The following DYDC1 variants were observed in gnomAD, a reference collection of about 807,000 sequenced individuals.
DYDC1 encodes the protein DPY30 domain-containing protein 1.
Under a neutral mutation model 27.9 loss-of-function variants are expected in DYDC1, and 21 were observed. That is an observed-to-expected ratio of 0.75 (90% CI 0.53 to 1.08). DYDC1 has a LOEUF of 1.08. Among genes scored for constraint, DYDC1 ranks in the 50% least tolerant of loss-of-function variants. The pLI, the probability that DYDC1 is intolerant of heterozygous loss-of-function variation, is 0.00. For synonymous variants in DYDC1, 67 were observed against 65.8 expected, an observed-to-expected ratio of 1.02 and a Z score of -0.09; for missense variants, 202 against 205.9, an observed-to-expected ratio of 0.98 and a Z score of 0.12.
intron 3 of DYDC1, among the ~76,000 whole-genome samples, chr10:80,342,638 A>C (rs1166530707): frequency 6.6e-6 from 1 of 152,240 alleles, no homozygotes; most frequent in Non-Finnish European, 1.5e-5. Context: ...TTCTTTAAGC[A>C]TAGATGGGTC....
chr10:80,339,958 T>C (rs1193519949), intron 4 of DYDC1, among the ~76,000 whole-genome samples: 1 of 152,184 alleles, frequency 6.6e-6, no homozygotes, highest in African/African-American at 2.4e-5. Flanking sequence ...AGATGGATAT[T>C]TGACACAAAC....
intron 1 of DYDC1, among the ~76,000 whole-genome samples, chr10:80,354,669 G>T (rs12570038): frequency 0.097 from 14,793 of 151,922 alleles, 964 homozygotes; most frequent in East Asian, 0.29. Context: ...GTGTGGAGCC[G>T]TCATGCATGG....
intron 3 of DYDC1, 101 bp from the exon 4 acceptor site, chr10:80,342,462 C>T: frequency 2.9e-6 from 3 of 1,033,448 alleles, no homozygotes; most frequent in South Asian, 1.7e-5. Context: ...ATGGTCACAT[C>T]CAACTAATAC....
At chr10:80,337,067 A>T in intron 6 of DYDC1, 2 of 956,042 alleles carry the variant, frequency 2.1e-6, no homozygotes, top group Non-Finnish European at 2.5e-6. Flanking sequence ...AAATCACACC[A>T]TTTTCCTAGC....
intron 3 of DYDC1, among the ~76,000 whole-genome samples, chr10:80,346,928 A>T (rs192986916): frequency 0.022 from 3,293 of 152,084 alleles, 49 homozygotes; most frequent in Non-Finnish European, 0.031. Context: ...TACAAAAAAA[A>T]AATTAGCCAG....
intron 1 of DYDC1, chr10:80,356,275 A>G: frequency 4.1e-6 from 4 of 985,604 alleles, no homozygotes; most frequent in Non-Finnish European, 4.8e-6. Flanking sequence ...TTGGCTCAAC[A>G]TAAGAAAGCC....
intron 3 of DYDC1, among the ~76,000 whole-genome samples, chr10:80,342,980 C>CAAA (rs55665661): frequency 0.1 from 9,391 of 93,530 alleles, 487 homozygotes; most frequent in Middle Eastern, 0.16. Flanking sequence ...GACTCCCTCT[C>CAAA]AAAAAAAAAA....
intron 1 of DYDC1, 115 bp downstream of exon 1, chr10:80,356,597 G>GTC (rs1843383701): frequency 1.0e-6 from 1 of 985,538 alleles, no homozygotes; most frequent in African/African-American, 1.7e-5. Context: ...TCCGCCTCAG[G>GTC]TGAGTCCTGC....
intron 3 of DYDC1, among the ~76,000 whole-genome samples, chr10:80,343,189 A>G (rs1842406651): frequency 6.6e-6 from 1 of 152,200 alleles, no homozygotes; most frequent in Non-Finnish European, 1.5e-5. Flanking sequence ...AAAAAATTTA[A>G]AAGAAATAAT....
At chr10:80,347,694 G>A (rs547693049) in intron 3 of DYDC1, among the ~76,000 whole-genome samples, 51 of 152,220 alleles carry the variant, frequency 3.4e-4, no homozygotes, top group African/African-American at 1.2e-3. Context: ...TCCCAACACC[G>A]TTCATTGAAG....
chr10:80,354,234 C>A (rs914698017), intron 1 of DYDC1: 1 of 151,396 alleles, frequency 6.6e-6, no homozygotes, highest in African/African-American at 2.4e-5. Context: ...CACCTGTAAT[C>A]CTAGCACTTT....
chr10:80,351,247 C>T (rs1156535676), intron 3 of DYDC1, among the ~76,000 whole-genome samples: 2 of 152,154 alleles, frequency 1.3e-5, no homozygotes, highest in East Asian at 3.8e-4. Flanking sequence ...CTCCTCTTTC[C>T]CTTGATTATA....
chr10:80,339,128 A>G lies in DYDC1; in HGVS notation c.368T>C (p.Leu123Pro). Reference sequence around the variant, plus strand: ...ATGTAGAATATCTTCATTCCTAACTAGATTTTCCATATTCATTCTCATCTC... The same window carrying G: ...ATGTAGAATATCTTCATTCCTAACTGGATTTTCCATATTCATTCTCATCTC... ...GKEMRMNMEN[L>P]VRNEDILHSE... The change falls in exon 5 of 7, where the codon CTA becomes CCA. Residue 123 changes from leucine to proline, a missense_variant. By Grantham distance (98) the Leu-to-Pro change is moderately conservative. Coordinates refer to ENST00000372202, the MANE Select transcript of DYDC1 (RefSeq NM_001269053.2). 2 of 1,371,220 alleles carry G rather than the reference A, an allele frequency of 1.5e-6. No individual in the cohort carries two copies. Among genetic ancestry groups the G allele is most frequent in the Non-Finnish European group, 2.0e-6 (2 of 1,016,294 alleles). The allele number at this position is 1,371,220 out of a possible 1,614,324, so 84.9% of individuals were successfully genotyped here.
intron 5 of DYDC1, 63 bp downstream of exon 5, chr10:80,339,034 A>G: frequency 1.1e-6 from 1 of 922,214 alleles, no homozygotes; most frequent in Non-Finnish European, 1.6e-6. Context: ...CATCAAAATT[A>G]AGCTTTACAT....
At chr10:80,354,898 C>T (rs898831952) in intron 1 of DYDC1, among the ~76,000 whole-genome samples, 5 of 151,908 alleles carry the variant, frequency 3.3e-5, no homozygotes, top group Non-Finnish European at 5.9e-5. Context: ...GCTACAGCAG[C>T]GCAAACTAAA....
rs1466992284 is a variant in DYDC1, at chr10:80,336,254, A to C, written c.505-69T>G. The C allele has an allele frequency of 4.0e-6, 6 of 1,490,810 alleles. No homozygotes were observed. In the Admixed American group the frequency reaches 1.6e-4, roughly 40 times the overall value. 92.3% of individuals were successfully genotyped at this position (1,490,810 alleles called of 1,614,324 possible). ...ACTGTGAAAAGGCACAAGCCAAAGA[A>C]ATAAACTTTAGGTAACTTCTATGTG... is the stretch of plus-strand genomic sequence containing the variant. On this transcript the variant is annotated intron_variant, in intron 6 of 6. Coordinates refer to ENST00000372202, the MANE Select transcript of DYDC1 (RefSeq NM_001269053.2).
intron 4 of DYDC1, among the ~76,000 whole-genome samples, chr10:80,340,562 G>A (rs1217385431): frequency 6.6e-6 from 1 of 152,136 alleles, no homozygotes; most frequent in African/African-American, 2.4e-5. Context: ...GGACTTTGAA[G>A]CACTTTAATG....
intron 6 of DYDC1, chr10:80,337,411 A>T (rs1842170278): frequency 2.1e-5 from 21 of 985,414 alleles, no homozygotes; most frequent in Non-Finnish European, 2.4e-5. Context: ...TGAAAACAAC[A>T]TTTACTTCAG....
chr10:80,344,102 C>T (rs954725461), intron 3 of DYDC1, among the ~76,000 whole-genome samples: 4 of 151,814 alleles, frequency 2.6e-5, no homozygotes, highest in Non-Finnish European at 4.4e-5. Flanking sequence ...GGTGACAGAG[C>T]GAGACTCTGT....
Sources: gnomAD v4.1 joint callset for allele counts (sites outside exome capture counted in the v4.1 genomes callset) on GRCh38, gnomAD v4.1.1 for gene constraint, MANE v1.5 for transcripts, NCBI Gene and HGNC (gene_info 2026-07-23, HGNC 2026-07-21) for gene names.